SLC24A2: variants seen among roughly 807,000 people sequenced by gnomAD.
The protein encoded by SLC24A2 is solute carrier family 24 member 2.
In SLC24A2, 36 loss-of-function variants were observed where a neutral mutation model predicts 62.0. The ratio of observed to expected loss-of-function variants is 0.58; its 90% CI spans 0.44 to 0.77. The LOEUF (loss-of-function observed/expected upper bound fraction) is 0.77. Ranked by LOEUF, SLC24A2 falls within the 30% of genes least tolerant of loss-of-function variation. The pLI is 0.00. For missense variants in SLC24A2, 846 were observed against 817.9 expected, an observed-to-expected ratio of 1.03 and a Z score of -0.42; for synonymous variants, 358 against 294.0, an observed-to-expected ratio of 1.22 and a Z score of -2.23.
the SLC24A2 span, among the ~76,000 whole-genome samples, chr9:20,157,932 G>T: frequency 6.6e-6 from 1 of 151,444 alleles, no homozygotes; most frequent in Non-Finnish European, 1.5e-5. Context: ...AAGCAACCCA[G>T]TGCTATGCAA....
rs982401035 is a variant in SLC24A2, at chr9:19,512,810, G to A, written c.*3343C>T. 1 of 152,134 alleles carries A rather than the reference G, an allele frequency of 6.6e-6. No homozygotes were observed. The highest frequency in any genetic ancestry group is 2.4e-5 in the African/African-American group (1 of 41,426). The allele number at this position is 152,134 out of a possible 1,614,324, so 9.4% of individuals were successfully genotyped here. Reference sequence around the variant, plus strand: ...ATACCCTGCTCCAGAGAAGCAAAGAGAGTATCTGCAGTCTAAATTTTTGCT... The same window carrying A: ...ATACCCTGCTCCAGAGAAGCAAAGAAAGTATCTGCAGTCTAAATTTTTGCT... On this transcript the variant is annotated 3_prime_UTR_variant, in exon 11 of 11. Transcript: ENST00000341998.
At chr9:20,162,170 G>A in the SLC24A2 span, among the ~76,000 whole-genome samples, 1 of 151,674 alleles carries the variant, frequency 6.6e-6, no homozygotes, top group Non-Finnish European at 1.5e-5. Flanking sequence ...CAGGAGTACT[G>A]CTTGAGCCAG....
At chr9:19,637,451 C>T (rs1376542769) in intron 2 of SLC24A2, among the ~76,000 whole-genome samples, 2 of 152,130 alleles carry the variant, frequency 1.3e-5, no homozygotes, top group African/African-American at 4.8e-5. Context: ...CTTTGGTAGT[C>T]TTGAGGGTGG....
chr9:20,133,583 C>T, the SLC24A2 span, among the ~76,000 whole-genome samples: 5 of 152,084 alleles, frequency 3.3e-5, no homozygotes, highest in African/African-American at 1.2e-4. Context: ...TTTCAAATGT[C>T]TAAAATAACA....
intron 8 of SLC24A2, among the ~76,000 whole-genome samples, chr9:19,541,804 C>T (rs1834274081): frequency 1.3e-5 from 2 of 149,066 alleles, no homozygotes; most frequent in African/African-American, 4.9e-5. Flanking sequence ...CCTCCCCCAG[C>T]CTCGTTGCCG....
chr9:19,761,870 C>A (rs538123987), intron 2 of SLC24A2, among the ~76,000 whole-genome samples: 2 of 152,240 alleles, frequency 1.3e-5, no homozygotes, highest in East Asian at 3.9e-4. Flanking sequence ...TTTTCTTAAT[C>A]CAGTCTATCG....
chr9:19,687,767 C>T (rs990478395), intron 2 of SLC24A2, among the ~76,000 whole-genome samples: 5 of 152,062 alleles, frequency 3.3e-5, no homozygotes, highest in Non-Finnish European at 7.4e-5. Flanking sequence ...TCTTGATTAG[C>T]ACCCCAAGTC....
chr9:19,760,939 G>C (rs1050191108), intron 2 of SLC24A2, among the ~76,000 whole-genome samples: 1 of 151,874 alleles, frequency 6.6e-6, no homozygotes, highest in South Asian at 2.1e-4. Flanking sequence ...TGGAGGGTTA[G>C]CATTAGGAGA....
At chr9:20,213,412 A>C in the SLC24A2 span, among the ~76,000 whole-genome samples, 1 of 149,062 alleles carries the variant, frequency 6.7e-6, no homozygotes, top group Admixed American at 6.6e-5. Flanking sequence ...AAGTTTAAGA[A>C]GCCAGAAAAG....
the SLC24A2 span, among the ~76,000 whole-genome samples, chr9:20,175,692 T>C: frequency 6.6e-6 from 1 of 152,048 alleles, no homozygotes; most frequent in Non-Finnish European, 1.5e-5. Flanking sequence ...AACCTTAGTA[T>C]TTTAGGAGAA....
At chr9:20,071,673 G>A in the SLC24A2 span, among the ~76,000 whole-genome samples, 117 of 152,108 alleles carry the variant, frequency 7.7e-4, no homozygotes, top group Admixed American at 3.1e-3. Context: ...GACGACTAGA[G>A]GGGAAAACTG....
At chr9:20,181,112 G>A in the SLC24A2 span, among the ~76,000 whole-genome samples, 1 of 152,002 alleles carries the variant, frequency 6.6e-6, no homozygotes, top group African/African-American at 2.4e-5. Context: ...TACCAAATTG[G>A]AGCCCAGATT....
At chr9:19,874,838 C>G in the SLC24A2 span, among the ~76,000 whole-genome samples, 2 of 152,046 alleles carry the variant, frequency 1.3e-5, no homozygotes, top group Non-Finnish European at 2.9e-5. Flanking sequence ...ATAATTTGAG[C>G]AGAGGTATTG....
intron 9 of SLC24A2, among the ~76,000 whole-genome samples, chr9:19,527,765 G>C (rs1455755378): frequency 6.6e-6 from 1 of 152,172 alleles, no homozygotes; most frequent in Non-Finnish European, 1.5e-5. Context: ...ATTGCTCTCA[G>C]GTCTGGGTTG....
the SLC24A2 span, among the ~76,000 whole-genome samples, chr9:19,827,751 C>T: frequency 3.3e-5 from 5 of 152,086 alleles, no homozygotes; most frequent in Non-Finnish European, 5.9e-5. Context: ...TCACTCCTGT[C>T]CCCCAGAGAC....
the SLC24A2 span, among the ~76,000 whole-genome samples, chr9:20,189,114 G>C: frequency 6.9e-6 from 1 of 144,358 alleles, no homozygotes; most frequent in South Asian, 2.2e-4. Context: ...TGCTCTTAGA[G>C]AGTTCCAGGA....
chr9:20,205,051 A>G, the SLC24A2 span, among the ~76,000 whole-genome samples: 3 of 152,086 alleles, frequency 2.0e-5, no homozygotes, highest in African/African-American at 7.2e-5. Context: ...AGCCAAAAGT[A>G]TAATTTTTTT....
the SLC24A2 span, among the ~76,000 whole-genome samples, chr9:20,235,734 T>C: frequency 2.0e-5 from 3 of 152,220 alleles, no homozygotes; most frequent in Non-Finnish European, 2.9e-5. Flanking sequence ...CTGCACCCAC[T>C]GTCCTGCACC....
intron 2 of SLC24A2, among the ~76,000 whole-genome samples, chr9:19,687,063 G>A (rs750629532): frequency 5.3e-5 from 8 of 152,034 alleles, no homozygotes; most frequent in Non-Finnish European, 8.8e-5. Flanking sequence ...TCACTTATAA[G>A]TTCAAGCTAA....
Sources: gnomAD v4.1 joint callset for allele counts (sites outside exome capture counted in the v4.1 genomes callset) on GRCh38, gnomAD v4.1.1 for gene constraint, MANE v1.5 for transcripts, NCBI Gene and HGNC (gene_info 2026-07-23, HGNC 2026-07-21) for gene names.